DMD: variants seen among roughly 807,000 people sequenced by gnomAD.
The protein encoded by DMD is dystrophin, also known as mutant dystrophin.
DMD carries 63 observed loss-of-function variants against 330.1 expected under a neutral mutation model. The ratio of observed to expected loss-of-function variants is 0.19; its 90% CI spans 0.16 to 0.24. The LOEUF (loss-of-function observed/expected upper bound fraction) is 0.24, where lower values mean the gene tolerates loss of function less well. Ranked by LOEUF, DMD falls within the 10% of genes least tolerant of loss-of-function variation. The probability of loss-of-function intolerance (pLI) is 1.00; values close to 1 mark genes in which losing one functional copy is unlikely to be tolerated. For synonymous variants in DMD, 1,223 were observed against 959.8 expected, an observed-to-expected ratio of 1.27 and a Z score of -5.07; for missense variants, 3,344 against 2,684.1, an observed-to-expected ratio of 1.25 and a Z score of -5.43.
At chrX:31,331,729 A>G (rs1323366994) in intron 61 of DMD, among the ~76,000 whole-genome samples, 2 of 112,263 alleles carry the variant, frequency 1.8e-5, no homozygotes, top group Admixed American at 1.9e-4. Flanking sequence ...CAATATCGCC[A>G]GGTGCCTTTA....
At chrX:32,027,165 C>CACACACACACACACAT (rs1491362506) in intron 44 of DMD, among the ~76,000 whole-genome samples, 116 of 3,122 alleles carry the variant, frequency 0.037, no homozygotes, top group African/African-American at 0.17. Context: ...CACGCACGTG[C>CACACACACACACACAT]ACACACACAC....
intron 51 of DMD, among the ~76,000 whole-genome samples, chrX:31,730,810 T>A (rs921574995): frequency 8.9e-6 from 1 of 111,982 alleles, no homozygotes; most frequent in African/African-American, 3.2e-5. Flanking sequence ...CCAGCAAGTT[T>A]GTATAATTTT....
intron 44 of DMD, among the ~76,000 whole-genome samples, chrX:32,044,043 T>C (rs961059739): frequency 8.9e-6 from 1 of 111,971 alleles, no homozygotes; most frequent in East Asian, 2.8e-4. Flanking sequence ...TTTAACTTCA[T>C]GACACTGGGA....
chrX:31,391,867 T>C (rs1162465375), intron 60 of DMD, among the ~76,000 whole-genome samples: 1 of 109,425 alleles, frequency 9.1e-6, no homozygotes, highest in Admixed American at 9.8e-5. Context: ...TGAGGCTCCA[T>C]CTCAAAAACA....
At chrX:32,994,323 G>A (rs1358412227) in intron 2 of DMD, among the ~76,000 whole-genome samples, 3 of 94,021 alleles carry the variant, frequency 3.2e-5, no homozygotes, top group Non-Finnish European at 6.1e-5. Context: ...AAAGGTGGAA[G>A]CCCCCAATTT....
intron 9 of DMD, 63 bp from the exon 10 acceptor site, chrX:32,645,215 T>C: frequency 2.7e-6 from 3 of 1,106,587 alleles, no homozygotes; most frequent in Non-Finnish European, 3.7e-6. Context: ...TCCAGTACAT[T>C]AAATGATGAA....
At chrX:31,391,721 A>G (rs918288461) in intron 60 of DMD, among the ~76,000 whole-genome samples, 3 of 109,904 alleles carry the variant, frequency 2.7e-5, no homozygotes, top group Non-Finnish European at 5.7e-5. Context: ...AAATACAAAA[A>G]TTAGCTGGGC....
intron 2 of DMD, among the ~76,000 whole-genome samples, chrX:32,978,737 G>A (rs144462539): frequency 1.0e-3 from 115 of 112,546 alleles, no homozygotes; most frequent in African/African-American, 3.2e-3. Context: ...CCAAAGTGCT[G>A]GGATTACAGG....
intron 42 of DMD, among the ~76,000 whole-genome samples, chrX:32,290,734 AAC>A (rs1193470252): frequency 8.0e-5 from 9 of 111,898 alleles, no homozygotes; most frequent in South Asian, 3.7e-4. Context: ...AGGTGGGTGA[AAC>A]ACAGTTTAGT....
intron 1 of DMD, among the ~76,000 whole-genome samples, chrX:33,246,888 G>A (rs188102759): frequency 0.017 from 1,868 of 110,051 alleles, 36 homozygotes; most frequent in African/African-American, 0.058. Context: ...GCTTCACCAT[G>A]CTTGTCAGGC....
intron 9 of DMD, among the ~76,000 whole-genome samples, chrX:32,658,379 T>C (rs1216193243): frequency 9.0e-6 from 1 of 111,180 alleles, no homozygotes; most frequent in Non-Finnish European, 1.9e-5. Context: ...AGATAATAGG[T>C]ATCTTCAATT....
intron 16 of DMD, among the ~76,000 whole-genome samples, chrX:32,560,236 C>T (rs765167448): frequency 9.5e-6 from 1 of 105,360 alleles, no homozygotes; most frequent in African/African-American, 3.4e-5. Flanking sequence ...CTGGTATATA[C>T]TACTTAATAT....
At chrX:31,696,706 G>C (rs2148842298) in intron 52 of DMD, among the ~76,000 whole-genome samples, 1 of 111,961 alleles carries the variant, frequency 8.9e-6, no homozygotes, top group Non-Finnish European at 1.9e-5. Flanking sequence ...TTTTAAAAAA[G>C]GTGTCACGTG....
At chrX:32,095,432 A>G (rs2096498841) in intron 44 of DMD, among the ~76,000 whole-genome samples, 1 of 111,022 alleles carries the variant, frequency 9.0e-6, no homozygotes, top group Non-Finnish European at 1.9e-5. Flanking sequence ...TAAAGTCCTT[A>G]TTTCCCTCCC....
At chrX:31,283,410 C>T (rs1338558827) in intron 62 of DMD, among the ~76,000 whole-genome samples, 3 of 111,389 alleles carry the variant, frequency 2.7e-5, no homozygotes, top group Non-Finnish European at 3.8e-5. Context: ...ATCTACTTGC[C>T]CCCTACCTTA....
intron 54 of DMD, among the ~76,000 whole-genome samples, chrX:31,632,129 C>T (rs1049180775): frequency 9.0e-6 from 1 of 110,672 alleles, no homozygotes; most frequent in African/African-American, 3.3e-5. Context: ...CTACTCCCGC[C>T]ACACACACAC....
chrX:32,810,840 G>T (rs775985549), intron 6 of DMD, among the ~76,000 whole-genome samples: 2 of 111,120 alleles, frequency 1.8e-5, no homozygotes, highest in South Asian at 7.6e-4. Flanking sequence ...AGTCCAACAG[G>T]GTCCAGGTCC....
At position 31,965,369 on chromosome X, in the gene DMD, C is replaced by A. The variant is rs144922337; in HGVS notation, c.6614+2970G>T. ...AATGTTTTAAAGCCCAACAATAAGA[C>A]CCTGTAGCACATATAATAAGTACTG... On this transcript the variant is annotated intron_variant, in intron 45 of 78. Coordinates refer to ENST00000357033, the MANE Select transcript of DMD (RefSeq NM_004006.3). Among the ~76,000 whole-genome samples the A allele has an allele frequency of 2.5e-3, 273 of 111,023 alleles. 2 individuals carry two copies. The highest frequency in any genetic ancestry group is 8.5e-3 in the African/African-American group (259 of 30,511).
Position 31,434,415 on chromosome X carries a change from C to CGT in DMD, c.9084+10065_9084+10066insAC, listed in dbSNP as rs1569541920. ...TGCCTCTCACCCTTACTGCAGCGCG[C>CGT]GCGCACACACACACACACACACACA... is the stretch of plus-strand genomic sequence containing the variant. On this transcript the variant is annotated intron_variant, in intron 60 of 78. Coordinates refer to ENST00000357033, the MANE Select transcript of DMD (RefSeq NM_004006.3). Among the ~76,000 whole-genome samples, 162 of 72,355 alleles carry CGT rather than the reference C, an allele frequency of 2.2e-3. 2 individuals carry two copies. Among genetic ancestry groups the CGT allele is most frequent in the South Asian group, 4.6e-3 (6 of 1,305 alleles). 62.8% of individuals were successfully genotyped at this position (72,355 alleles called of 115,157 possible). A position where few individuals can be genotyped will look rare whatever the true frequency, so the allele number is the denominator to read the frequency against.
Sources: allele counts gnomAD v4.1 joint callset (sites outside exome capture counted in the v4.1 genomes callset), GRCh38; gene constraint gnomAD v4.1.1; transcripts MANE v1.5; gene names NCBI Gene and HGNC (gene_info 2026-07-23, HGNC 2026-07-21).